CUL5: variants seen among roughly 807,000 people sequenced by gnomAD.
CUL5 encodes the protein cullin 5.
A neutral mutation model predicts 108.8 loss-of-function variants in CUL5; 26 were observed. The observed-to-expected ratio is 0.24, with a 90% confidence interval of 0.18 to 0.33. CUL5 has a LOEUF of 0.33. Among genes scored for constraint, CUL5 ranks in the 10% least tolerant of loss-of-function variants. CUL5 has a pLI of 1.00. For synonymous variants in CUL5, 334 were observed against 298.0 expected, an observed-to-expected ratio of 1.12 and a Z score of -1.25; for missense variants, 524 against 909.2, an observed-to-expected ratio of 0.58 and a Z score of 5.45.
chr11:108,037,256 A>G (rs1042339500), intron 2 of CUL5, among the ~76,000 whole-genome samples: 6 of 152,166 alleles, frequency 3.9e-5, no homozygotes, highest in Admixed American at 1.3e-4. Flanking sequence ...TTTCATAGGT[A>G]ATTTTTACCT....
At chr11:108,079,077 A>G (rs555688645) in intron 11 of CUL5, among the ~76,000 whole-genome samples, 27 of 152,046 alleles carry the variant, frequency 1.8e-4, no homozygotes, top group African/African-American at 6.5e-4. Flanking sequence ...CTTTCACCCT[A>G]GCATTTTTTG....
At chr11:108,027,008 T>C (rs1862467619) in intron 1 of CUL5, among the ~76,000 whole-genome samples, 1 of 147,768 alleles carries the variant, frequency 6.8e-6, no homozygotes. Flanking sequence ...AAAAAAAAAA[T>C]TATTATTTTT....
chr11:108,052,865 T>C (rs1863270261), intron 5 of CUL5, 64 bp downstream of exon 5: 3 of 1,407,068 alleles, frequency 2.1e-6, no homozygotes, highest in Admixed American at 2.2e-5. Context: ...AATTATGGAA[T>C]AGCACAATCA....
Position 108,051,907 on chromosome 11 carries a change from GATAA to G in CUL5, c.412-748_412-745del, listed in dbSNP as rs527695121. On this transcript the variant is annotated intron_variant, in intron 4 of 18. Transcript: ENST00000393094. ...TGACCATTTTATACATAAGAAAGCA[GATAA>G]ATAAGTAACAGCTGGGATTCAAATC... Among the ~76,000 whole-genome samples the G allele has an allele frequency of 1.6e-4, 24 of 152,316 alleles. No individual in the cohort carries two copies. The East Asian group carries it at 1.9e-3, about 12-fold the overall frequency.
At chr11:108,046,157 C>A in intron 2 of CUL5, 113 bp from the exon 3 acceptor site, 1 of 602,820 alleles carries the variant, frequency 1.7e-6, no homozygotes, top group Non-Finnish European at 2.8e-6. Context: ...ATTCAGACAC[C>A]ATTTACTTGG....
chr11:108,055,432 T>C (rs1038241024), intron 7 of CUL5, among the ~76,000 whole-genome samples: 5 of 152,106 alleles, frequency 3.3e-5, no homozygotes, highest in African/African-American at 1.2e-4. Flanking sequence ...CAAACTTCAT[T>C]TGTCATGAGG....
chr11:108,011,651 C>T (rs1420288806), intron 1 of CUL5, among the ~76,000 whole-genome samples: 2 of 150,540 alleles, frequency 1.3e-5, no homozygotes, highest in Admixed American at 6.6e-5. Context: ...TGGAGGGGGA[C>T]GGAGTCTCGC....
intron 18 of CUL5, among the ~76,000 whole-genome samples, chr11:108,100,756 CGCGGTG>C (rs1211228750): frequency 6.6e-6 from 1 of 152,016 alleles, no homozygotes; most frequent in Admixed American, 6.5e-5. Flanking sequence ...TGTGGCCAGG[CGCGGTG>C]GCTCACGCCT....
intron 7 of CUL5, among the ~76,000 whole-genome samples, chr11:108,066,260 T>C (rs538484986): frequency 8.6e-5 from 13 of 151,960 alleles, no homozygotes; most frequent in Non-Finnish European, 1.8e-4. Flanking sequence ...GGAGAAATGG[T>C]GTGAACCCAG....
chr11:108,070,809 T>C (rs942798985), intron 8 of CUL5, among the ~76,000 whole-genome samples: 1 of 152,186 alleles, frequency 6.6e-6, no homozygotes, highest in Non-Finnish European at 1.5e-5. Context: ...TATATCTAAC[T>C]GCAAGGTCCT....
intron 13 of CUL5, among the ~76,000 whole-genome samples, chr11:108,091,107 A>G (rs916704875): frequency 2.0e-5 from 3 of 151,704 alleles, no homozygotes; most frequent in Non-Finnish European, 4.4e-5. Context: ...GCTGGATTGC[A>G]GTGGTGCAAT....
At chr11:108,031,986 A>G (rs144008842) in intron 1 of CUL5, among the ~76,000 whole-genome samples, 2,369 of 152,284 alleles carry the variant, frequency 0.016, 57 homozygotes, top group African/African-American at 0.054. Context: ...ACATGAACAC[A>G]TAAAGGGGAA....
chr11:108,089,216 T>C (rs1267309698), intron 12 of CUL5, among the ~76,000 whole-genome samples: 2 of 151,880 alleles, frequency 1.3e-5, no homozygotes, highest in South Asian at 4.1e-4. Flanking sequence ...GGGACATTGA[T>C]TTTTTTCATG....
Position 108,098,459 on chromosome 11 carries a change from A to C in CUL5, c.2078A>C (p.Gln693Pro). 6.2e-7 allele frequency: 1 copy of C among 1,605,920 alleles called. No individual in the cohort carries two copies. The highest frequency in any genetic ancestry group is 8.5e-7 in the Non-Finnish European group (1 of 1,176,424). Residue 693 changes from glutamine (Q) to proline (P), a missense_variant, in exon 18 of 19, where the codon CAG (glutamine) becomes CCG (proline). Gln to Pro is a moderately conservative substitution (Grantham distance 76). Transcript: ENST00000393094. ...RGKINLIGRL[Q>P]LTTERMREEE... ...AAAATCAACTTGATTGGACGTTTGC[A>C]GCTCACTACAGAAAGGATGAGAGAA... is the stretch of plus-strand genomic sequence containing the variant.
chr11:108,014,640 G>A (rs925275392), intron 1 of CUL5, among the ~76,000 whole-genome samples: 3 of 152,174 alleles, frequency 2.0e-5, no homozygotes, highest in East Asian at 1.9e-4. Context: ...CATTGAAACC[G>A]TAACCATAGC....
At chr11:108,088,303 TTC>T (rs1290560208) in intron 11 of CUL5, among the ~76,000 whole-genome samples, 1 of 152,118 alleles carries the variant, frequency 6.6e-6, no homozygotes, top group African/African-American at 2.4e-5. Flanking sequence ...TTGAAGAAGG[TTC>T]TTACTCTCAG....
rs138797563 is a variant in CUL5, at chr11:108,060,111, A to C, written c.780+5156A>C. ...ACTAGGTCACAAGTTATAAATTATT[A>C]ACATTAAAATAAGCACTTATTAACC... On this transcript the variant is annotated intron_variant, in intron 7 of 18. Coordinates refer to ENST00000393094, the MANE Select transcript of CUL5 (RefSeq NM_003478.6). Among the ~76,000 whole-genome samples the C allele has an allele frequency of 5.6e-3, 854 of 152,270 alleles. 9 individuals carry two copies. The highest frequency in any genetic ancestry group is 0.02 in the African/African-American group (811 of 41,556).
At chr11:108,038,195 G>A (rs184809152) in intron 2 of CUL5, among the ~76,000 whole-genome samples, 6 of 151,552 alleles carry the variant, frequency 4.0e-5, no homozygotes, top group Admixed American at 3.3e-4. Context: ...TGAATGATAT[G>A]TTGGGTGTGG....
Position 108,089,605 on chromosome 11 carries a change from C to A in CUL5, c.1425C>A (p.Asn475Lys). The A allele has an allele frequency of 6.5e-7, 1 of 1,537,402 alleles. No individual in the cohort carries two copies. The change falls in exon 13 of 19, where the codon AAC becomes AAA. Residue 475 changes from asparagine to lysine, a missense_variant. Asn to Lys is a moderately conservative substitution (Grantham distance 94). This residue lies in a region of CUL5 where 76 missense variants were observed against 168.3 expected (regional missense o/e 0.45). Transcript: ENST00000393094. Reference protein sequence around the residue: ...DISADSEIEENMVEWLREVGM... With the variant: ...DISADSEIEEKMVEWLREVGM... ...CTGCCGATAGTGAAATTGAAGAAAA[C>A]ATGGTAGAGTGGCTAAGAGTAAGTA...
Sources: allele counts gnomAD v4.1 joint callset (sites outside exome capture counted in the v4.1 genomes callset), GRCh38; gene constraint gnomAD v4.1.1; regional missense constraint gnomAD v4.1.1; transcripts MANE v1.5; gene names NCBI Gene and HGNC (gene_info 2026-07-23, HGNC 2026-07-21).